Variants in ABLIM1 observed in about 807,000 individuals in gnomAD.
ABLIM1 encodes actin-binding LIM protein 1.
ABLIM1 carries 40 observed loss-of-function variants against 107.0 expected under a neutral mutation model. The observed-to-expected ratio is 0.37, with a 90% CI of 0.29 to 0.49. The LOEUF is 0.49. ABLIM1 is among the 20% of genes least tolerant of loss of function. ABLIM1 has a pLI of 0.97. For missense variants in ABLIM1, 857 were observed against 1,008.5 expected (o/e 0.85, Z 2.04); for synonymous variants, 357 against 357.3 (o/e 1.00, Z 0.01).
chr10:114,570,279 G>A (rs996059096), intron 4 of ABLIM1, among the ~76,000 whole-genome samples: 1 of 152,096 alleles, frequency 6.6e-6, no homozygotes, highest in Non-Finnish European at 1.5e-5. Context: ...TGACCTACTC[G>A]ATGTTATTTT....
At chr10:114,603,920 T>G (rs1473747440) in intron 1 of ABLIM1, among the ~76,000 whole-genome samples, 1 of 143,316 alleles carries the variant, frequency 7.0e-6, no homozygotes, top group Non-Finnish European at 1.5e-5. Context: ...ACCATTGCAC[T>G]CCAGCCTGGG....
intron 1 of ABLIM1, chr10:114,690,416 GCCA>G (rs2081049737): frequency 6.2e-7 from 1 of 1,603,860 alleles, no homozygotes; most frequent in Admixed American, 1.7e-5. Context: ...AGATGGACTT[GCCA>G]CCAGTGCCAT....
chr10:114,516,554 C>T (rs911606269), intron 6 of ABLIM1, among the ~76,000 whole-genome samples: 5 of 152,180 alleles, frequency 3.3e-5, no homozygotes, highest in Non-Finnish European at 7.4e-5. Flanking sequence ...AAAACTGTTT[C>T]GCATCCAAGT....
At chr10:114,625,631 T>A (rs1263478034) in intron 1 of ABLIM1, among the ~76,000 whole-genome samples, 3 of 151,984 alleles carry the variant, frequency 2.0e-5, no homozygotes, top group Non-Finnish European at 4.4e-5. Flanking sequence ...AGATCTTTGA[T>A]AAATACATAA....
At chr10:114,797,496 C>G in the ABLIM1 span, among the ~76,000 whole-genome samples, 1 of 152,062 alleles carries the variant, frequency 6.6e-6, no homozygotes, top group Non-Finnish European at 1.5e-5. Flanking sequence ...CACTTAGTGT[C>G]TCTCTCATTC....
At chr10:114,506,250 T>A (rs2061125581) in intron 6 of ABLIM1, among the ~76,000 whole-genome samples, 1 of 152,230 alleles carries the variant, frequency 6.6e-6, no homozygotes, top group Non-Finnish European at 1.5e-5. Context: ...ATTTTCTTTA[T>A]CCAGTCCACC....
chr10:114,477,624 T>C (rs1427846596), intron 8 of ABLIM1, among the ~76,000 whole-genome samples: 2 of 152,212 alleles, frequency 1.3e-5, no homozygotes, highest in Non-Finnish European at 2.9e-5. Context: ...CGCACGCACA[T>C]GTAGGGAAGG....
chr10:114,652,151 GAC>G (rs1191105643), intron 1 of ABLIM1, among the ~76,000 whole-genome samples: 1 of 152,122 alleles, frequency 6.6e-6, no homozygotes, highest in Non-Finnish European at 1.5e-5. Context: ...CCTTTTCCCT[GAC>G]ACAGACTCTC....
At chr10:114,767,684 C>T (rs1295382680) in intron 1 of ABLIM1, among the ~76,000 whole-genome samples, 2 of 151,996 alleles carry the variant, frequency 1.3e-5, no homozygotes, top group African/African-American at 2.4e-5. Context: ...TGGATTTCTT[C>T]CATAGCCGAG....
intron 8 of ABLIM1, among the ~76,000 whole-genome samples, chr10:114,481,906 A>G (rs570750597): frequency 6.6e-6 from 1 of 152,382 alleles, no homozygotes; most frequent in Admixed American, 6.5e-5. Flanking sequence ...TAAAGCCTCA[A>G]ATTAGCTCCT....
intron 3 of ABLIM1, among the ~76,000 whole-genome samples, chr10:114,572,367 T>C (rs2071817839): frequency 6.6e-6 from 1 of 152,262 alleles, no homozygotes; most frequent in South Asian, 2.1e-4. Flanking sequence ...CTACATTCCC[T>C]TTAAGTTGCC....
chr10:114,491,686 C>T, intron 7 of ABLIM1, 105 bp downstream of exon 7: 1 of 1,117,028 alleles, frequency 9.0e-7, no homozygotes, highest in Non-Finnish European at 1.3e-6. Flanking sequence ...TGGGTAGCCT[C>T]ACAGCTAATA....
chr10:114,550,025 G>C (rs2067853772), intron 4 of ABLIM1, among the ~76,000 whole-genome samples: 1 of 152,110 alleles, frequency 6.6e-6, no homozygotes, highest in Non-Finnish European at 1.5e-5. Context: ...TGTGTTGTTT[G>C]AATTTTTAAA....
At chr10:114,531,265 A>C (rs1446983714) in intron 6 of ABLIM1, among the ~76,000 whole-genome samples, 1 of 152,228 alleles carries the variant, frequency 6.6e-6, no homozygotes, top group Non-Finnish European at 1.5e-5. Context: ...AAAATGGAAA[A>C]AATATTTCTT....
intron 6 of ABLIM1, among the ~76,000 whole-genome samples, chr10:114,529,469 TTTTGGA>T (rs2065227526): frequency 6.6e-6 from 1 of 152,158 alleles, no homozygotes; most frequent in Admixed American, 6.5e-5. Flanking sequence ...CAGTTTCTCT[TTTTGGA>T]TTTTATTTAT....
intron 6 of ABLIM1, among the ~76,000 whole-genome samples, chr10:114,543,385 G>C (rs2066927764): frequency 6.6e-6 from 1 of 152,118 alleles, no homozygotes; most frequent in Non-Finnish European, 1.5e-5. Flanking sequence ...ACCTATTCTA[G>C]ATATTTTATA....
At chr10:114,437,740 A>T in intron 22 of ABLIM1, 104 bp downstream of exon 22, 1 of 957,306 alleles carries the variant, frequency 1.0e-6, no homozygotes, top group Non-Finnish European at 1.6e-6. Flanking sequence ...GATCTTTATA[A>T]TTTTTTTTTG....
chr10:114,581,118 A>G (rs916871586), intron 2 of ABLIM1, among the ~76,000 whole-genome samples: 1 of 152,210 alleles, frequency 6.6e-6, no homozygotes, highest in Non-Finnish European at 1.5e-5. Flanking sequence ...CTACTAAAGA[A>G]GAACATGTAC....
At chr10:114,527,330 G>C (rs1276381604) in intron 6 of ABLIM1, among the ~76,000 whole-genome samples, 1 of 152,186 alleles carries the variant, frequency 6.6e-6, no homozygotes, top group Admixed American at 6.5e-5. Flanking sequence ...TTATTCTGCA[G>C]TACTGTCTGA....
Sources: gnomAD v4.1 joint callset for allele counts (sites outside exome capture counted in the v4.1 genomes callset) on GRCh38, gnomAD v4.1.1 for gene constraint, MANE v1.5 for transcripts, NCBI Gene and HGNC (gene_info 2026-07-23, HGNC 2026-07-21) for gene names.